Variants in DCC observed in about 807,000 individuals in gnomAD.
DCC encodes the protein DCC netrin 1 receptor.
DCC carries 58 observed loss-of-function variants against 172.5 expected under a neutral mutation model. That is an observed-to-expected ratio of 0.34 (90% CI 0.27 to 0.42). The LOEUF (loss-of-function observed/expected upper bound fraction) is 0.42, where lower values mean the gene tolerates loss of function less well. Ranked by LOEUF, DCC falls within the 10% of genes least tolerant of loss-of-function variation. The probability of loss-of-function intolerance (pLI) is 1.00; values close to 1 mark genes in which losing one functional copy is unlikely to be tolerated. For missense variants in DCC, 1,740 were observed against 1,791.0 expected (o/e 0.97, Z 0.51); for synonymous variants, 709 against 644.5 (o/e 1.10, Z -1.52).
intron 1 of DCC, among the ~76,000 whole-genome samples, chr18:52,422,283 T>C (rs1035089151): frequency 6.6e-6 from 1 of 152,208 alleles, no homozygotes; most frequent in Non-Finnish European, 1.5e-5. Flanking sequence ...CAGATGTTTA[T>C]AGCTAAAAAT....
intron 15 of DCC, among the ~76,000 whole-genome samples, chr18:53,349,340 G>A (rs188510992): frequency 5.3e-4 from 81 of 152,128 alleles, no homozygotes; most frequent in Non-Finnish European, 9.7e-4. Flanking sequence ...TGTTCATATC[G>A]CTATCAGCCT....
chr18:53,091,254 C>T (rs1046233389), intron 7 of DCC, among the ~76,000 whole-genome samples: 1 of 151,238 alleles, frequency 6.6e-6, no homozygotes, highest in South Asian at 2.1e-4. Flanking sequence ...TCATCTCTCT[C>T]AAACCCTGGG....
chr18:53,281,348 T>A (rs1251585830), intron 12 of DCC, among the ~76,000 whole-genome samples: 1 of 152,168 alleles, frequency 6.6e-6, no homozygotes, highest in African/African-American at 2.4e-5. Context: ...GTAACTCTTT[T>A]CTGATTTTAA....
At chr18:52,942,829 G>C (rs2212800) in intron 5 of DCC, among the ~76,000 whole-genome samples, 3,212 of 152,210 alleles carry the variant, frequency 0.021, 59 homozygotes, top group Admixed American at 0.037. Context: ...GAAATATTTT[G>C]CCTTTTCCAA....
intron 5 of DCC, among the ~76,000 whole-genome samples, chr18:52,996,164 AAGTGCATAC>A (rs1261944768): frequency 6.6e-6 from 1 of 151,976 alleles, no homozygotes; most frequent in African/African-American, 2.4e-5. Context: ...TAAAATTATG[AAGTGCATAC>A]AGTGCATACA....
chr18:52,655,953 T>C (rs1390003424), intron 1 of DCC, among the ~76,000 whole-genome samples: 1 of 94,342 alleles, frequency 1.1e-5, no homozygotes, highest in Non-Finnish European at 2.3e-5. Context: ...CCATTAAATA[T>C]ATATGTGTGT....
intron 7 of DCC, among the ~76,000 whole-genome samples, chr18:53,086,690 C>T (rs191421815): frequency 1.0e-4 from 13 of 125,758 alleles, no homozygotes; most frequent in African/African-American, 2.7e-4. Context: ...CATGCTAGTG[C>T]GCTGCACCCA....
chr18:52,424,960 G>T (rs1483530274), intron 1 of DCC, among the ~76,000 whole-genome samples: 1 of 151,368 alleles, frequency 6.6e-6, no homozygotes, highest in African/African-American at 2.4e-5. Context: ...TTTCATGGGG[G>T]TACAAGTATA....
intron 1 of DCC, among the ~76,000 whole-genome samples, chr18:52,447,306 T>C (rs1271620417): frequency 6.6e-6 from 1 of 152,186 alleles, no homozygotes; most frequent in Admixed American, 6.5e-5. Context: ...ATCAAAGAGG[T>C]GTAAGATAGC....
chr18:53,267,104 T>C (rs569150637), intron 12 of DCC, among the ~76,000 whole-genome samples: 1 of 139,718 alleles, frequency 7.2e-6, no homozygotes, highest in Non-Finnish European at 1.6e-5. Flanking sequence ...ACACACACTC[T>C]CTCTCTCACA....
At position 52,901,618 on chromosome 18, in the gene DCC, A is replaced by G. The variant is rs186525125; in HGVS notation, c.413-4426A>G. 1.1e-4 allele frequency among the ~76,000 whole-genome samples: 17 copies of G among 152,258 alleles called. No homozygotes were observed. The East Asian group carries it at 3.1e-3, about 28-fold the overall frequency. On this transcript the variant is annotated intron_variant, in intron 2 of 28. Coordinates refer to ENST00000442544, the MANE Select transcript of DCC (RefSeq NM_005215.4). Reference sequence around the variant, plus strand: ...TAAATGATAAAACAATCCGTTCCCAAAGTCCTCTAGCTTGTTAAATAATGA... The same window carrying G: ...TAAATGATAAAACAATCCGTTCCCAGAGTCCTCTAGCTTGTTAAATAATGA...
chr18:52,992,807 C>G (rs1435040537), intron 5 of DCC, among the ~76,000 whole-genome samples: 1 of 152,032 alleles, frequency 6.6e-6, no homozygotes, highest in Middle Eastern at 3.2e-3. Context: ...GAAATCACAT[C>G]TCTACCAAAA....
intron 1 of DCC, among the ~76,000 whole-genome samples, chr18:52,659,713 C>A (rs1389629801): frequency 1.3e-5 from 2 of 151,958 alleles, no homozygotes; most frequent in African/African-American, 4.8e-5. Flanking sequence ...AACCACTGAA[C>A]CCAATACATT....
chr18:53,099,147 T>C (rs2043127297), intron 7 of DCC, among the ~76,000 whole-genome samples: 1 of 152,164 alleles, frequency 6.6e-6, no homozygotes, highest in African/African-American at 2.4e-5. Context: ...CAGTTATTAC[T>C]AATAAGTTGC....
At chr18:53,221,468 C>T (rs753726572) in intron 12 of DCC, among the ~76,000 whole-genome samples, 13 of 152,142 alleles carry the variant, frequency 8.5e-5, no homozygotes, top group Non-Finnish European at 1.5e-4. Context: ...AGTGAACGTT[C>T]TTTCACATGT....
In DCC at chr18:53,058,449, A is replaced by G. The variant is rs997563019; in HGVS notation, c.986-4856A>G. ...ATAATTTTTTAAAATGGTACTTCCC[A>G]TTACCCTTTAATTAGAGATGACTTT... On this transcript the variant is annotated intron_variant, in intron 5 of 28. Transcript: ENST00000442544. 3.9e-5 allele frequency among the ~76,000 whole-genome samples: 6 copies of G among 152,106 alleles called. No individual in the cohort carries two copies. In the South Asian group the frequency reaches 1.2e-3, roughly 32 times the overall value.
At chr18:52,710,682 T>C (rs1377311683) in intron 1 of DCC, among the ~76,000 whole-genome samples, 1 of 152,150 alleles carries the variant, frequency 6.6e-6, no homozygotes, top group Non-Finnish European at 1.5e-5. Context: ...AGTATTTATC[T>C]CAGCAAACAA....
intron 1 of DCC, among the ~76,000 whole-genome samples, chr18:52,681,828 A>C (rs2035754676): frequency 6.6e-6 from 1 of 152,170 alleles, no homozygotes; most frequent in Admixed American, 6.6e-5. Context: ...AGCAGGGAGA[A>C]GTGCCACTTT....
chr18:52,956,291 T>G (rs939774297), intron 5 of DCC, among the ~76,000 whole-genome samples: 1 of 152,026 alleles, frequency 6.6e-6, no homozygotes, highest in African/African-American at 2.4e-5. Flanking sequence ...TATCCAGTTG[T>G]TTCAGTATCG....
Sources: allele counts gnomAD v4.1 joint callset (sites outside exome capture counted in the v4.1 genomes callset), GRCh38; gene constraint gnomAD v4.1.1; transcripts MANE v1.5; gene names NCBI Gene and HGNC (gene_info 2026-07-23, HGNC 2026-07-21).